GFRA2: variants seen among roughly 807,000 people sequenced by gnomAD.
GFRA2 encodes the protein GDNF family receptor alpha-2.
A neutral mutation model predicts 48.3 loss-of-function variants in GFRA2; 17 were observed. The observed-to-expected ratio is 0.35, with a 90% CI of 0.24 to 0.53. The LOEUF (loss-of-function observed/expected upper bound fraction) is 0.53, where lower values mean the gene tolerates loss of function less well. GFRA2 is among the 20% of genes least tolerant of loss of function. The pLI, the probability that GFRA2 is intolerant of heterozygous loss-of-function variation, is 0.93. For missense variants in GFRA2, 660 were observed against 637.3 expected (o/e 1.04, Z -0.38); for synonymous variants, 305 against 257.2 (o/e 1.19, Z -1.78).
chr8:21,760,918 AC>A (rs1052760520), intron 3 of GFRA2, among the ~76,000 whole-genome samples: 4 of 151,784 alleles, frequency 2.6e-5, no homozygotes, highest in South Asian at 2.1e-4. Context: ...GTCAACTGAC[AC>A]CCCCCCAAAT....
chr8:21,701,931 G>A (rs1320594992), intron 7 of GFRA2, among the ~76,000 whole-genome samples: 3 of 152,150 alleles, frequency 2.0e-5, no homozygotes, highest in African/African-American at 4.8e-5. Context: ...TGGGAGTCCT[G>A]GGAAGGTTGC....
intron 4 of GFRA2, among the ~76,000 whole-genome samples, chr8:21,731,357 C>G (rs1804182747): frequency 6.6e-6 from 1 of 152,148 alleles, no homozygotes; most frequent in African/African-American, 2.4e-5. Flanking sequence ...GTGGCCACGT[C>G]ATTTAGCAAA....
rs1381232816 is a variant in GFRA2 at position 21,762,026 on chromosome 8, C to T, written c.440-11084G>A. On this transcript the variant is annotated intron_variant, in intron 3 of 8. Coordinates refer to ENST00000524240, the MANE Select transcript of GFRA2 (RefSeq NM_001495.5). ...CCTCCCATCTCACCTCTCTGGCTAC[C>T]TTCACATTACACTGCCCTGCTAGGA... Among the ~76,000 whole-genome samples, 8 of 152,172 alleles carry T rather than the reference C, an allele frequency of 5.3e-5. No homozygotes were observed. In the East Asian group the frequency reaches 1.5e-3, roughly 29 times the overall value.
At chr8:21,777,907 T>C (rs1806788381) in intron 2 of GFRA2, among the ~76,000 whole-genome samples, 1 of 152,190 alleles carries the variant, frequency 6.6e-6, no homozygotes, top group East Asian at 1.9e-4. Context: ...CCAGATCCTC[T>C]GCAGTTCAGA....
intron 3 of GFRA2, among the ~76,000 whole-genome samples, chr8:21,755,001 A>G (rs1805499652): frequency 6.6e-6 from 1 of 152,202 alleles, no homozygotes; most frequent in Admixed American, 6.5e-5. Flanking sequence ...TTGTAAAGGT[A>G]TGACACTCTG....
At chr8:21,747,695 G>T (rs1329215296) in intron 4 of GFRA2, among the ~76,000 whole-genome samples, 1 of 151,108 alleles carries the variant, frequency 6.6e-6, no homozygotes, top group Non-Finnish European at 1.5e-5. Flanking sequence ...AAGGTGGTTT[G>T]TACCCAATGC....
At chr8:21,734,059 G>A (rs1804332733) in intron 4 of GFRA2, among the ~76,000 whole-genome samples, 1 of 152,162 alleles carries the variant, frequency 6.6e-6, no homozygotes, top group African/African-American at 2.4e-5. Flanking sequence ...TTCTGAACTG[G>A]GGGCCTCCAC....
chr8:21,792,605 G>C (rs1485649598), upstream of GFRA2, among the ~76,000 whole-genome samples: 1 of 152,210 alleles, frequency 6.6e-6, no homozygotes, highest in African/African-American at 2.4e-5. Flanking sequence ...AAGGCACAGT[G>C]GGAGAAAGGA....
intron 2 of GFRA2, among the ~76,000 whole-genome samples, chr8:21,781,196 GCTTC>G (rs1298929501): frequency 2.6e-5 from 4 of 152,148 alleles, no homozygotes. Context: ...CACAGCAGCA[GCTTC>G]TGGACAGTCC....
intron 4 of GFRA2, among the ~76,000 whole-genome samples, chr8:21,720,259 C>T (rs996482617): frequency 1.3e-5 from 2 of 152,164 alleles, no homozygotes; most frequent in Admixed American, 6.5e-5. Flanking sequence ...GCAGGAAGCA[C>T]GGTGGCTGAG....
At chr8:21,718,155 T>C (rs1296337666) in intron 4 of GFRA2, among the ~76,000 whole-genome samples, 1 of 152,224 alleles carries the variant, frequency 6.6e-6, no homozygotes, top group Non-Finnish European at 1.5e-5. Context: ...AGGGACCCAG[T>C]AGCAGGTAAC....
intron 4 of GFRA2, among the ~76,000 whole-genome samples, chr8:21,724,982 T>C (rs1484163631): frequency 6.6e-6 from 1 of 152,152 alleles, no homozygotes; most frequent in African/African-American, 2.4e-5. Context: ...AGCACAATCC[T>C]TGGACACTGG....
At chr8:21,694,335 G>C (rs1384738393) in intron 8 of GFRA2, 129 bp downstream of exon 8, 1 of 883,548 alleles carries the variant, frequency 1.1e-6, no homozygotes, top group African/African-American at 1.7e-5. Context: ...GCCCACCCTG[G>C]TCCAGAAGCT....
intron 1 of GFRA2, among the ~76,000 whole-genome samples, chr8:21,808,499 G>A (rs752522909): frequency 6.6e-6 from 1 of 152,244 alleles, no homozygotes; most frequent in Admixed American, 6.5e-5. Context: ...AGTAAGCCTA[G>A]TATGTGCCTT....
chr8:21,777,787 G>T (rs1481089965), intron 2 of GFRA2, among the ~76,000 whole-genome samples: 3 of 152,148 alleles, frequency 2.0e-5, no homozygotes, highest in Non-Finnish European at 4.4e-5. Context: ...TCGGGGCCCT[G>T]GGACCCACTC....
chr8:21,730,709 A>G (rs1804145112), intron 4 of GFRA2, among the ~76,000 whole-genome samples: 1 of 152,112 alleles, frequency 6.6e-6, no homozygotes, highest in South Asian at 2.1e-4. Context: ...CAGAAGCACA[A>G]CGCTGGCAGA....
chr8:21,804,805 G>A (rs189678275), intron 2 of GFRA2, among the ~76,000 whole-genome samples: 8 of 152,160 alleles, frequency 5.3e-5, no homozygotes, highest in Admixed American at 2.0e-4. Flanking sequence ...AAGCTCTCCC[G>A]ACCCTCTTTC....
chr8:21,731,734 T>C (rs1804206407), intron 4 of GFRA2, among the ~76,000 whole-genome samples: 1 of 152,082 alleles, frequency 6.6e-6, no homozygotes, highest in Admixed American at 6.5e-5. Flanking sequence ...GAAAGGGTGA[T>C]GGAAGAAAGC....
In GFRA2 at chr8:21,693,187, GTGTGTGTGTGTC is replaced by G; in HGVS notation, c.*79_*90del. 8.3e-7 allele frequency: 1 copy of G among 1,201,006 alleles called. No homozygotes were observed. The highest frequency in any genetic ancestry group is 1.1e-6 in the Non-Finnish European group (1 of 886,528). 74.4% of individuals were successfully genotyped at this position (1,201,006 alleles called of 1,614,324 possible). A position where few individuals can be genotyped will look rare whatever the true frequency, so the allele number is the denominator to read the frequency against. On this transcript the variant is annotated 3_prime_UTR_variant, in exon 9 of 9. Coordinates refer to ENST00000524240, the MANE Select transcript of GFRA2 (RefSeq NM_001495.5). ...GGAAAAACAATTTTTTTTTTGCAAG[GTGTGTGTGTGTC>G]TGTGTGTGTTTCCATTTCGTCAGGC...
Sources: allele counts gnomAD v4.1 joint callset (sites outside exome capture counted in the v4.1 genomes callset), GRCh38; gene constraint gnomAD v4.1.1; transcripts MANE v1.5; gene names NCBI Gene and HGNC (gene_info 2026-07-23, HGNC 2026-07-21).